Variants in ADAM18 observed in about 807,000 individuals in gnomAD.
ADAM18 encodes the protein ADAM metallopeptidase domain 18, also known as disintegrin and metalloproteinase domain-containing protein 18.
ADAM18 carries 117 observed loss-of-function variants against 94.4 expected under a neutral mutation model. The observed-to-expected ratio is 1.24, with a 90% CI of 1.07 to 1.45. The LOEUF (loss-of-function observed/expected upper bound fraction) is 1.45, where lower values mean the gene tolerates loss of function less well. Ranked by LOEUF, ADAM18 falls within the 40% of genes most tolerant of loss-of-function variation. The pLI, the probability that ADAM18 is intolerant of heterozygous loss-of-function variation, is 0.00. For synonymous variants in ADAM18, 327 were observed against 291.6 expected (o/e 1.12, Z -1.24); for missense variants, 936 against 880.0 (o/e 1.06, Z -0.81).
chr8:39,705,906 T>C (rs1286847052), intron 17 of ADAM18, among the ~76,000 whole-genome samples: 1 of 152,144 alleles, frequency 6.6e-6, no homozygotes, highest in Non-Finnish European at 1.5e-5. Context: ...TATATTGTTA[T>C]GGATATTATT....
At chr8:39,699,094 T>A (rs1015471329) in intron 17 of ADAM18, among the ~76,000 whole-genome samples, 2 of 152,096 alleles carry the variant, frequency 1.3e-5, no homozygotes, top group Non-Finnish European at 2.9e-5. Flanking sequence ...AAAATTGCCC[T>A]GATTACTGTC....
intron 2 of ADAM18, 107 bp from the exon 3 acceptor site, chr8:39,606,200 T>C (rs1819078116): frequency 6.3e-6 from 4 of 631,346 alleles, no homozygotes; most frequent in Admixed American, 3.6e-5. Context: ...CTAAAGATTA[T>C]GTTCATTTTT....
intron 14 of ADAM18, among the ~76,000 whole-genome samples, chr8:39,675,417 C>T (rs1398545337): frequency 1.3e-5 from 2 of 152,136 alleles, no homozygotes; most frequent in Admixed American, 6.6e-5. Flanking sequence ...ATAGAATCGG[C>T]TATTGATGTT....
intron 14 of ADAM18, among the ~76,000 whole-genome samples, chr8:39,671,707 C>T (rs953751923): frequency 6.6e-6 from 1 of 152,164 alleles, no homozygotes; most frequent in Admixed American, 6.5e-5. Flanking sequence ...CCCCGTCCCT[C>T]TTCATAACAC....
At chr8:39,613,871 A>T (rs1258463995) in intron 6 of ADAM18, among the ~76,000 whole-genome samples, 1 of 152,216 alleles carries the variant, frequency 6.6e-6, no homozygotes, top group Non-Finnish European at 1.5e-5. Context: ...AAACTAAAGA[A>T]ATAATTTCAG....
At chr8:39,651,921 GA>G (rs1820550515) in intron 12 of ADAM18, among the ~76,000 whole-genome samples, 1 of 147,040 alleles carries the variant, frequency 6.8e-6, no homozygotes, top group Non-Finnish European at 1.5e-5. Context: ...ATGAAACAAA[GA>G]GCCCAAAAAT....
intron 3 of ADAM18, among the ~76,000 whole-genome samples, chr8:39,606,876 G>A (rs1258150348): frequency 6.6e-6 from 1 of 152,116 alleles, no homozygotes; most frequent in African/African-American, 2.4e-5. Context: ...GGGCAGGGGC[G>A]GGGAACACAA....
At chr8:39,591,580 CCTAATT>C (rs376407946) in intron 2 of ADAM18, among the ~76,000 whole-genome samples, 101 of 152,266 alleles carry the variant, frequency 6.6e-4, no homozygotes, top group African/African-American at 2.4e-3. Context: ...AGCCTCCACT[CCTAATT>C]CTAGTTCTCT....
Position 39,677,276 on chromosome 8 carries a change from T to C in ADAM18, c.1526-155T>C, listed in dbSNP as rs142419787. 2.7e-3 allele frequency among the ~76,000 whole-genome samples: 408 copies of C among 152,350 alleles called. 5 individuals carry two copies. The highest frequency in any genetic ancestry group is 9.4e-3 in the African/African-American group (392 of 41,582). ...CTGTGTGTGTAAGATAAGACAATTA[T>C]TTCTTTCTACTTGCATTGACAGGGT... is the stretch of plus-strand genomic sequence containing the variant. On this transcript the variant is annotated intron_variant, in intron 14 of 19. Transcript: ENST00000265707.
chr8:39,726,275 C>G (rs1412896236), intron 19 of ADAM18, among the ~76,000 whole-genome samples: 1 of 148,636 alleles, frequency 6.7e-6, no homozygotes. Context: ...CACACACACA[C>G]ATTTGTGTGT....
At chr8:39,719,184 A>T (rs1460179327) in intron 18 of ADAM18, among the ~76,000 whole-genome samples, 1 of 151,410 alleles carries the variant, frequency 6.6e-6, no homozygotes, top group African/African-American at 2.4e-5. Flanking sequence ...ATAGACATGC[A>T]AATATATGGA....
chr8:39,604,265 T>C (rs761248144), intron 2 of ADAM18, among the ~76,000 whole-genome samples: 65 of 152,242 alleles, frequency 4.3e-4, no homozygotes, highest in Non-Finnish European at 8.2e-4. Flanking sequence ...CGGACCATAC[T>C]AGGCATTTGA....
At chr8:39,718,553 G>A (rs888655314) in intron 18 of ADAM18, among the ~76,000 whole-genome samples, 1 of 151,436 alleles carries the variant, frequency 6.6e-6, no homozygotes, top group East Asian at 1.9e-4. Context: ...TGGGGTGGTA[G>A]TATGATGGGG....
At chr8:39,586,753 A>ACT (rs1818405228) in intron 2 of ADAM18, among the ~76,000 whole-genome samples, 1 of 131,990 alleles carries the variant, frequency 7.6e-6, no homozygotes, top group Non-Finnish European at 1.6e-5. Context: ...AACAAACAAA[A>ACT]AACTATCTAT....
chr8:39,664,887 A>G (rs1356605240), intron 13 of ADAM18, among the ~76,000 whole-genome samples: 1 of 152,134 alleles, frequency 6.6e-6, no homozygotes, highest in Non-Finnish European at 1.5e-5. Flanking sequence ...TATTATTCCA[A>G]TTCTGGTAAA....
rs1310179908 is a variant in ADAM18 at position 39,610,690 on chromosome 8, T to G, written c.506T>G (p.Val169Gly). The change falls in exon 6 of 20, where the codon GTT becomes GGT. Residue 169 changes from valine (V) to glycine (G), a missense_variant. Transcript: ENST00000265707. ...HIWQKDQPYK[V>G]PLNSQIKNLS... ...TGGCAGAAAGACCAGCCCTACAAAG[T>G]TCCTTTAAACTCACAGGTGACTGTC... The G allele has an allele frequency of 2.5e-6, 4 of 1,613,076 alleles. No homozygotes were observed. The highest frequency in any genetic ancestry group is 4.5e-5 in the East Asian group (2 of 44,750).
intron 10 of ADAM18, among the ~76,000 whole-genome samples, chr8:39,639,789 C>T (rs925725243): frequency 6.6e-6 from 1 of 151,934 alleles, no homozygotes; most frequent in African/African-American, 2.4e-5. Flanking sequence ...TTCAGAAATT[C>T]GTCTTTCCTT....
At chr8:39,600,554 T>C (rs986011642) in intron 2 of ADAM18, among the ~76,000 whole-genome samples, 8 of 152,224 alleles carry the variant, frequency 5.3e-5, no homozygotes, top group Non-Finnish European at 7.3e-5. Flanking sequence ...AGTTGATTGA[T>C]AGTGTTTAAT....
intron 2 of ADAM18, among the ~76,000 whole-genome samples, chr8:39,588,730 C>A (rs546122032): frequency 6.6e-6 from 1 of 152,226 alleles, no homozygotes; most frequent in African/African-American, 2.4e-5. Flanking sequence ...ATTGCAAGCA[C>A]GCCTGCAATT....
Sources: allele counts gnomAD v4.1 joint callset (sites outside exome capture counted in the v4.1 genomes callset), GRCh38; gene constraint gnomAD v4.1.1; transcripts MANE v1.5; gene names NCBI Gene and HGNC (gene_info 2026-07-23, HGNC 2026-07-21).